The following RCSD1 variants were observed in gnomAD, a reference collection of about 807,000 sequenced individuals.
The protein encoded by RCSD1 is RCSD domain containing 1, also known as capZ-interacting protein.
Under a neutral mutation model 42.5 loss-of-function variants are expected in RCSD1, and 26 were observed. The observed-to-expected ratio is 0.61, with a 90% confidence interval of 0.45 to 0.85. The LOEUF is 0.85. Among genes scored for constraint, RCSD1 ranks in the 40% least tolerant of loss-of-function variants. RCSD1 has a pLI of 0.00. For missense variants in RCSD1, 571 were observed against 528.3 expected (o/e 1.08, Z -0.79); for synonymous variants, 220 against 212.2 (o/e 1.04, Z -0.32).
chr1:167,639,976 G>C (rs1055439947), intron 1 of RCSD1, among the ~76,000 whole-genome samples: 2 of 152,204 alleles, frequency 1.3e-5, no homozygotes, highest in Non-Finnish European at 2.9e-5. Context: ...CCTCACAAAG[G>C]CCTGAATTTA....
chr1:167,674,981 T>C (rs560556695), intron 1 of RCSD1, among the ~76,000 whole-genome samples: 2,001 of 151,698 alleles, frequency 0.013, 42 homozygotes, highest in African/African-American at 0.047. Context: ...CTGAGGTGGG[T>C]GAATCACAAA....
chr1:167,685,653 T>C (rs1659216082), intron 3 of RCSD1, 143 bp downstream of exon 3: 1 of 630,256 alleles, frequency 1.6e-6, no homozygotes, highest in Admixed American at 3.3e-5. Context: ...AGAGTGAATC[T>C]CCTCTTAAAT....
At position 167,690,073 on chromosome 1, in the gene RCSD1, C is replaced by T. The variant is rs1363889003; in HGVS notation, c.223C>T (p.Pro75Ser). 1.2e-6 allele frequency: 2 copies of T among 1,614,070 alleles called. No homozygotes were observed. The highest frequency in any genetic ancestry group is 2.2e-5 in the East Asian group (1 of 44,878). The change falls in exon 4 of 7, where the codon CCT becomes TCT. Residue 75 changes from proline to serine, a missense_variant. Physicochemically the swap from Pro to Ser is moderately conservative, Grantham distance 74. Transcript: ENST00000367854. ...GAAATCACCACCCAATGCGAGCCAC[C>T]CTCCTAAATTCAAGGTCAAGAGCTC... The part of the protein sequence containing the change: ...EEKSPPNASH[P>S]PKFKVKSSPL...
intron 1 of RCSD1, among the ~76,000 whole-genome samples, chr1:167,643,539 G>A (rs1658058848): frequency 6.6e-6 from 1 of 152,218 alleles, no homozygotes; most frequent in South Asian, 2.1e-4. Context: ...TGAGCATAAT[G>A]TATATTCAAC....
At position 167,675,320 on chromosome 1, in the gene RCSD1, G is replaced by A. The variant is rs553811143; in HGVS notation, c.7-8580G>A. Among the ~76,000 whole-genome samples, 395 of 152,108 alleles carry A rather than the reference G, an allele frequency of 2.6e-3. 1 individual carries two copies. The highest frequency in any genetic ancestry group is 4.1e-3 in the Non-Finnish European group (276 of 67,996). ...GCTGGGTGGGCCTCACAAGCATGGC[G>A]GAAGGCAAAAGAGAAGCAAAGACAC... On this transcript the variant is annotated intron_variant, in intron 1 of 6. Transcript: ENST00000367854.
chr1:167,642,301 G>A (rs1658025129), intron 1 of RCSD1, among the ~76,000 whole-genome samples: 1 of 142,976 alleles, frequency 7.0e-6, no homozygotes, highest in Admixed American at 7.2e-5. Context: ...AGGCTGACAA[G>A]AGGGGGAAAG....
chr1:167,670,487 T>C (rs1236443267), intron 1 of RCSD1, among the ~76,000 whole-genome samples: 3 of 152,180 alleles, frequency 2.0e-5, no homozygotes, highest in Non-Finnish European at 4.4e-5. Flanking sequence ...TGGTTGTGTG[T>C]AACCCCCTGA....
intron 1 of RCSD1, among the ~76,000 whole-genome samples, chr1:167,673,580 A>T (rs1294114603): frequency 6.6e-6 from 1 of 152,208 alleles, no homozygotes; most frequent in Non-Finnish European, 1.5e-5. Context: ...CATTTTACAG[A>T]TGTTGAAACT....
chr1:167,640,988 C>T (rs10918730), intron 1 of RCSD1, among the ~76,000 whole-genome samples: 25,723 of 152,092 alleles, frequency 0.17, 2,523 homozygotes, highest in Non-Finnish European at 0.2. Flanking sequence ...AACCACCCCC[C>T]GAGCCCCCAC....
chr1:167,679,297 G>T (rs971888394), intron 1 of RCSD1, among the ~76,000 whole-genome samples: 4 of 152,276 alleles, frequency 2.6e-5, no homozygotes, highest in African/African-American at 9.6e-5. Context: ...TATATCAAAG[G>T]CTGTAAGGAC....
intron 6 of RCSD1, among the ~76,000 whole-genome samples, chr1:167,699,382 C>T (rs1185266669): frequency 6.6e-6 from 1 of 152,144 alleles, no homozygotes; most frequent in Admixed American, 6.5e-5. Flanking sequence ...TGTTCCTCTC[C>T]CTTAAGTTCT....
chr1:167,689,894 G>A (rs971921238), intron 3 of RCSD1, among the ~76,000 whole-genome samples, 155 bp from the exon 4 acceptor site: 2 of 152,240 alleles, frequency 1.3e-5, no homozygotes, highest in South Asian at 2.1e-4. Context: ...AGTTCACGTC[G>A]CCCAGGCCCT....
intron 3 of RCSD1, among the ~76,000 whole-genome samples, chr1:167,689,299 T>C (rs565586831): frequency 6.6e-6 from 1 of 152,124 alleles, no homozygotes; most frequent in East Asian, 1.9e-4. Context: ...CTGGCCAACA[T>C]GGTGAAACCC....
At chr1:167,683,863 T>C (rs766703398) in intron 1 of RCSD1, 37 bp from the exon 2 acceptor site, 11 of 1,591,240 alleles carry the variant, frequency 6.9e-6, no homozygotes, top group Non-Finnish European at 9.5e-6. Context: ...CTGGTACCCA[T>C]TTGCTGATTA....
chr1:167,656,780 G>T (rs1658434199), intron 1 of RCSD1, among the ~76,000 whole-genome samples: 1 of 152,198 alleles, frequency 6.6e-6, no homozygotes. Flanking sequence ...AAGCTACAAA[G>T]CTGGGCCTGG....
rs183648814 is a variant in RCSD1, at chr1:167,678,785, G to T, written c.7-5115G>T. ...TGTAGCTGGCCTCACACTACCACTCGCATCTTCCCGCCCCCTCTTGTTGTC... is the reference window on the plus strand; with the variant it reads ...TGTAGCTGGCCTCACACTACCACTCTCATCTTCCCGCCCCCTCTTGTTGTC... On this transcript the variant is annotated intron_variant, in intron 1 of 6. Coordinates refer to ENST00000367854, the MANE Select transcript of RCSD1 (RefSeq NM_052862.4). 7.9e-5 allele frequency among the ~76,000 whole-genome samples: 12 copies of T among 152,204 alleles called. No individual in the cohort carries two copies. In the East Asian group the frequency reaches 2.3e-3, roughly 29 times the overall value.
rs144346792 is a variant in RCSD1, at chr1:167,635,392, A to G, written c.6+4963A>G. Among the ~76,000 whole-genome samples, 146 of 151,942 alleles carry G rather than the reference A, an allele frequency of 9.6e-4. 2 individuals are homozygous for G. Among genetic ancestry groups the G allele is most frequent in the African/African-American group, 3.4e-3 (142 of 41,502 alleles). Reference sequence around the variant, plus strand: ...TCAGCAGACATCTTCCATTTGTTGGACTGCGACGACAGGGGGAATTTGGGG... The same window carrying G: ...TCAGCAGACATCTTCCATTTGTTGGGCTGCGACGACAGGGGGAATTTGGGG... On this transcript the variant is annotated intron_variant, in intron 1 of 6. Coordinates refer to ENST00000367854, the MANE Select transcript of RCSD1 (RefSeq NM_052862.4).
intron 1 of RCSD1, among the ~76,000 whole-genome samples, chr1:167,644,886 T>A (rs1017609354): frequency 5.9e-5 from 9 of 152,232 alleles, no homozygotes; most frequent in Admixed American, 5.2e-4. Context: ...TGCTTTCCTA[T>A]GCCAATAAGG....
intron 1 of RCSD1, among the ~76,000 whole-genome samples, chr1:167,662,194 C>T (rs888950541): frequency 3.3e-5 from 5 of 152,216 alleles, no homozygotes; most frequent in Non-Finnish European, 7.3e-5. Context: ...GGCCTGTGCC[C>T]TTGCTGTAGC....
Sources: gnomAD v4.1 joint callset for allele counts (sites outside exome capture counted in the v4.1 genomes callset) on GRCh38, gnomAD v4.1.1 for gene constraint, MANE v1.5 for transcripts, NCBI Gene and HGNC (gene_info 2026-07-23, HGNC 2026-07-21) for gene names.